KCNB2: variants seen among roughly 807,000 people sequenced by gnomAD.
KCNB2 encodes the protein potassium voltage-gated channel subfamily B member 2, also known as delayed rectifier potassium channel protein.
KCNB2 carries 15 observed loss-of-function variants against 61.5 expected under a neutral mutation model. That is an observed-to-expected ratio of 0.24 (90% CI 0.16 to 0.38). The LOEUF (loss-of-function observed/expected upper bound fraction) is 0.38, where lower values mean the gene tolerates loss of function less well. KCNB2 is among the 10% of genes least tolerant of loss of function. The pLI is 1.00. For missense variants in KCNB2, 828 were observed against 1,125.2 expected (o/e 0.74, Z 3.78); for synonymous variants, 457 against 446.0 (o/e 1.02, Z -0.31).
rs565081133 is a variant in KCNB2 at position 72,563,853 on chromosome 8, C to T, written c.-93-3789C>T. 2.0e-5 allele frequency among the ~76,000 whole-genome samples: 3 copies of T among 152,154 alleles called. No homozygotes were observed. The South Asian group carries it at 6.2e-4, about 31-fold the overall frequency. On this transcript the variant is annotated intron_variant, in intron 1 of 2. Transcript: ENST00000523207. ...GAACTTATGCCTTTGAGCCTGCACT[C>T]TTTATCAGGTAACAAGCAGAACATT...
intron 2 of KCNB2, among the ~76,000 whole-genome samples, chr8:72,760,267 T>A (rs1808356015): frequency 6.6e-6 from 1 of 152,172 alleles, no homozygotes; most frequent in African/African-American, 2.4e-5. Context: ...AACTTGGAAG[T>A]GAGGACAATA....
chr8:72,684,594 G>A (rs1199671042), intron 2 of KCNB2, among the ~76,000 whole-genome samples: 1 of 152,194 alleles, frequency 6.6e-6, no homozygotes, highest in Non-Finnish European at 1.5e-5. Context: ...AAGAAGGTTT[G>A]AGAAATCTGT....
chr8:72,708,470 G>C (rs1185856645), intron 2 of KCNB2, among the ~76,000 whole-genome samples: 1 of 152,174 alleles, frequency 6.6e-6, no homozygotes, highest in Non-Finnish European at 1.5e-5. Flanking sequence ...CTATGGTCTG[G>C]AAGTTGCCAT....
At chr8:72,551,561 C>T (rs778502908) in intron 1 of KCNB2, among the ~76,000 whole-genome samples, 1 of 152,116 alleles carries the variant, frequency 6.6e-6, no homozygotes, top group African/African-American at 2.4e-5. Flanking sequence ...TCTCTCTTCC[C>T]ACTTTCACCT....
chr8:72,561,767 A>ATGTG lies in KCNB2; in HGVS notation c.-93-5874_-93-5873insGTGT, dbSNP rs1806533699. Among the ~76,000 whole-genome samples, 22 of 27,416 alleles carry ATGTG rather than the reference A, an allele frequency of 8.0e-4. 1 individual carries two copies. Among genetic ancestry groups the ATGTG allele is most frequent in the Non-Finnish European group, 1.4e-3 (19 of 13,578 alleles). The allele number at this position is 27,416 out of a possible 152,430, so 18.0% of individuals were successfully genotyped here. On this transcript the variant is annotated intron_variant, in intron 1 of 2. Transcript: ENST00000523207. ...TATATGTATATATATATATGGATAT[A>ATGTG]TATATATATGGATATATATATACAT...
At chr8:72,674,771 G>A (rs1806623351) in intron 2 of KCNB2, among the ~76,000 whole-genome samples, 1 of 152,154 alleles carries the variant, frequency 6.6e-6, no homozygotes, top group African/African-American at 2.4e-5. Context: ...AAACTGCAGG[G>A]TATAGCAATG....
intron 2 of KCNB2, among the ~76,000 whole-genome samples, chr8:72,578,439 TTATTA>T (rs1456271200): frequency 6.6e-6 from 1 of 152,186 alleles, no homozygotes; most frequent in African/African-American, 2.4e-5. Flanking sequence ...CTAACACACT[TTATTA>T]TATTTCTTAA....
intron 2 of KCNB2, among the ~76,000 whole-genome samples, chr8:72,756,604 T>C (rs1808294290): frequency 6.6e-6 from 1 of 152,228 alleles, no homozygotes; most frequent in Non-Finnish European, 1.5e-5. Flanking sequence ...TTCCAATGTT[T>C]GGCCAAGCTT....
At chr8:72,897,916 G>A (rs898370628) in intron 2 of KCNB2, among the ~76,000 whole-genome samples, 8 of 152,106 alleles carry the variant, frequency 5.3e-5, no homozygotes, top group African/African-American at 1.9e-4. Flanking sequence ...GGAGAAAACT[G>A]TCACAGACCC....
chr8:72,550,627 C>T (rs891622055), intron 1 of KCNB2, among the ~76,000 whole-genome samples: 1 of 152,170 alleles, frequency 6.6e-6, no homozygotes, highest in African/African-American at 2.4e-5. Context: ...ATTCTGTGCT[C>T]TGCTTCTGGT....
intron 1 of KCNB2, among the ~76,000 whole-genome samples, chr8:72,556,075 G>A (rs1332066538): frequency 3.9e-5 from 6 of 151,968 alleles, no homozygotes; most frequent in Non-Finnish European, 8.8e-5. Context: ...TTTCAAGACT[G>A]CATCATCTGG....
chr8:72,713,050 G>C (rs1391061893), intron 2 of KCNB2, among the ~76,000 whole-genome samples: 2 of 152,236 alleles, frequency 1.3e-5, no homozygotes, highest in Admixed American at 1.3e-4. Flanking sequence ...CGCCCACGGA[G>C]CCTCACTCGT....
chr8:72,683,897 G>C (rs897129327), intron 2 of KCNB2, among the ~76,000 whole-genome samples: 1 of 152,150 alleles, frequency 6.6e-6, no homozygotes, highest in Non-Finnish European at 1.5e-5. Context: ...ACGTTGGCAG[G>C]AGCTAGGTCA....
chr8:72,870,298 TATTG>T (rs1805595094), intron 2 of KCNB2, among the ~76,000 whole-genome samples: 1 of 152,170 alleles, frequency 6.6e-6, no homozygotes. Flanking sequence ...AACAATACTG[TATTG>T]TGCACTTATT....
At chr8:72,932,674 A>G (rs1339189332) in intron 2 of KCNB2, among the ~76,000 whole-genome samples, 2 of 152,218 alleles carry the variant, frequency 1.3e-5, no homozygotes, top group Non-Finnish European at 2.9e-5. Flanking sequence ...CTTTTAGTAT[A>G]TAAGTTAACC....
At chr8:72,800,953 G>C (rs1334777271) in intron 2 of KCNB2, among the ~76,000 whole-genome samples, 1 of 152,126 alleles carries the variant, frequency 6.6e-6, no homozygotes, top group African/African-American at 2.4e-5. Flanking sequence ...TCCAACCTAG[G>C]TTGATGCCAG....
chr8:72,893,622 A>G (rs1805936915), intron 2 of KCNB2, among the ~76,000 whole-genome samples: 1 of 152,218 alleles, frequency 6.6e-6, no homozygotes, highest in Admixed American at 6.6e-5. Flanking sequence ...ACAACTCATT[A>G]CTATTATCCC....
At chr8:72,834,833 A>G (rs1355062934) in intron 2 of KCNB2, among the ~76,000 whole-genome samples, 1 of 152,242 alleles carries the variant, frequency 6.6e-6, no homozygotes, top group African/African-American at 2.4e-5. Flanking sequence ...ATCTTTGAGT[A>G]TAATTTCGGA....
chr8:72,572,706 T>C (rs537990155), intron 2 of KCNB2, among the ~76,000 whole-genome samples: 1 of 152,276 alleles, frequency 6.6e-6, no homozygotes, highest in South Asian at 2.1e-4. Context: ...TTCAACACTT[T>C]TTTTCATCAA....
Sources: gnomAD v4.1 joint callset for allele counts (sites outside exome capture counted in the v4.1 genomes callset) on GRCh38, gnomAD v4.1.1 for gene constraint, MANE v1.5 for transcripts, NCBI Gene and HGNC (gene_info 2026-07-23, HGNC 2026-07-21) for gene names.